The following ABI3BP variants were observed in gnomAD, a reference collection of about 807,000 sequenced individuals.
The protein encoded by ABI3BP is ABI family member 3 binding protein, also known as target of Nesh-SH3.
A neutral mutation model predicts 268.6 loss-of-function variants in ABI3BP; 216 were observed. The observed-to-expected ratio is 0.80, with a 90% CI of 0.72 to 0.90. The LOEUF (loss-of-function observed/expected upper bound fraction) is 0.90. ABI3BP is among the 40% of genes least tolerant of loss of function. ABI3BP has a pLI of 0.00. For missense variants in ABI3BP, 2,090 were observed against 2,182.4 expected, an observed-to-expected ratio of 0.96 and a Z score of 0.84; for synonymous variants, 730 against 730.0, an observed-to-expected ratio of 1.00 and a Z score of 0.00.
chr3:100,871,320 A>G (rs2099106965), intron 9 of ABI3BP, among the ~76,000 whole-genome samples: 1 of 152,214 alleles, frequency 6.6e-6, no homozygotes, highest in South Asian at 2.1e-4. Context: ...AAAAAATTGT[A>G]TATGTAGTTT....
intron 1 of ABI3BP, among the ~76,000 whole-genome samples, chr3:100,978,330 T>C (rs35517882): frequency 0.1 from 15,697 of 152,304 alleles, 1,095 homozygotes; most frequent in Non-Finnish European, 0.15. Context: ...AGTGTCACAA[T>C]TGTGTCTTTC....
chr3:100,872,037 T>A (rs1466448061), intron 9 of ABI3BP, among the ~76,000 whole-genome samples: 1 of 151,998 alleles, frequency 6.6e-6, no homozygotes. Flanking sequence ...AAAGATGGGG[T>A]CTTGCTATAT....
chr3:100,825,970 T>C, intron 34 of ABI3BP, 126 bp from the exon 35 acceptor site: 2 of 714,316 alleles, frequency 2.8e-6, no homozygotes, highest in Non-Finnish European at 4.8e-6. Flanking sequence ...GGAAGGGCAT[T>C]AGGACTGAAT....
chr3:100,991,860 TG>T (rs1239967510), intron 1 of ABI3BP, among the ~76,000 whole-genome samples: 1 of 152,200 alleles, frequency 6.6e-6, no homozygotes, highest in Non-Finnish European at 1.5e-5. Context: ...ATTAAAGCAC[TG>T]GGATTGTCCA....
intron 2 of ABI3BP, among the ~76,000 whole-genome samples, chr3:100,905,178 G>GC (rs2052731783): frequency 6.6e-6 from 1 of 151,886 alleles, no homozygotes; most frequent in South Asian, 2.1e-4. Context: ...ACCAAACACC[G>GC]CATGTTCTCA....
Position 100,934,730 on chromosome 3 carries a change from C to G in ABI3BP, c.80-8249G>C, listed in dbSNP as rs187006755. ...GTTTTGATTTGCATTTCTCTAATAA[C>G]CAGTGATGATGAGCTTTTTTTTCAT... On this transcript the variant is annotated intron_variant, in intron 1 of 67. Coordinates refer to ENST00000471714, the MANE Select transcript of ABI3BP (RefSeq NM_001375547.2). 1.5e-3 allele frequency among the ~76,000 whole-genome samples: 133 copies of G among 89,454 alleles called. 1 individual carries two copies. In the East Asian group the frequency reaches 0.041, roughly 27 times the overall value. The allele number at this position is 89,454 out of a possible 152,430, so 58.7% of individuals were successfully genotyped here.
chr3:100,754,189 A>G (rs901988066), intron 64 of ABI3BP, among the ~76,000 whole-genome samples: 3 of 152,308 alleles, frequency 2.0e-5, no homozygotes, highest in South Asian at 2.1e-4. Flanking sequence ...CATGAACTAC[A>G]GTTGGTATAA....
intron 1 of ABI3BP, among the ~76,000 whole-genome samples, chr3:100,946,294 C>T (rs903749349): frequency 6.0e-5 from 9 of 150,436 alleles, no homozygotes; most frequent in African/African-American, 2.2e-4. Flanking sequence ...TTGCTTGAAC[C>T]TGGGAGGCAG....
At chr3:100,867,087 T>C (rs2099058195) in intron 9 of ABI3BP, 131 bp from the exon 10 acceptor site, 1 of 656,488 alleles carries the variant, frequency 1.5e-6, no homozygotes, top group Non-Finnish European at 2.7e-6. Context: ...AACAACTTTA[T>C]TGTGTATCTC....
At chr3:100,861,306 A>G (rs34124358) in intron 14 of ABI3BP, among the ~76,000 whole-genome samples, 3 of 152,208 alleles carry the variant, frequency 2.0e-5, no homozygotes, top group African/African-American at 7.2e-5. Flanking sequence ...GGATAATTTC[A>G]CCAAGATCTG....
In ABI3BP at chr3:100,983,176, G is replaced by A. The variant is rs558143446; in HGVS notation, c.79+10130C>T. ...CTTGGCATCACCTTGTAAGCAAAGC[G>A]CCCCTGTTCAGAGTCTTAGCAAGGT... On this transcript the variant is annotated intron_variant, in intron 1 of 67. Coordinates refer to ENST00000471714, the MANE Select transcript of ABI3BP (RefSeq NM_001375547.2). Among the ~76,000 whole-genome samples, 34 of 152,296 alleles carry A rather than the reference G, an allele frequency of 2.2e-4. No individual in the cohort carries two copies. In the South Asian group the frequency reaches 5.4e-3, roughly 24 times the overall value.
chr3:100,966,393 A>G (rs1441760866), intron 1 of ABI3BP, among the ~76,000 whole-genome samples: 1 of 152,240 alleles, frequency 6.6e-6, no homozygotes, highest in Non-Finnish European at 1.5e-5. Context: ...ACTATGGCCC[A>G]TGGGCCAAAT....
At chr3:100,942,111 T>C (rs957161199) in intron 1 of ABI3BP, among the ~76,000 whole-genome samples, 1 of 152,130 alleles carries the variant, frequency 6.6e-6, no homozygotes, top group Non-Finnish European at 1.5e-5. Context: ...TTTTATTCCT[T>C]TCATTAACTA....
intron 6 of ABI3BP, among the ~76,000 whole-genome samples, chr3:100,877,772 C>T (rs79748856): frequency 8.4e-4 from 128 of 152,290 alleles, no homozygotes; most frequent in African/African-American, 2.9e-3. Flanking sequence ...ATATACTAGA[C>T]CTGTTGATCA....
In ABI3BP at chr3:100,750,245, A is replaced by C. The variant is rs2095242588; in HGVS notation, c.*250T>G. On this transcript the variant is annotated 3_prime_UTR_variant, in exon 68 of 68. Coordinates refer to ENST00000471714, the MANE Select transcript of ABI3BP (RefSeq NM_001375547.2). Reference sequence around the variant, plus strand: ...TATACAAATGATCTCTTAAAATACCATGAATAGGGAGCCAGCTTCCCCAAA... The same window carrying C: ...TATACAAATGATCTCTTAAAATACCCTGAATAGGGAGCCAGCTTCCCCAAA... The C allele has an allele frequency of 2.9e-6, 1 of 349,154 alleles. No individual in the cohort carries two copies. Among genetic ancestry groups the C allele is most frequent in the Non-Finnish European group, 5.2e-6 (1 of 194,010 alleles). 21.6% of individuals were successfully genotyped at this position (349,154 alleles called of 1,614,324 possible).
chr3:100,923,689 T>G (rs1427772557), intron 2 of ABI3BP, among the ~76,000 whole-genome samples: 1 of 152,182 alleles, frequency 6.6e-6, no homozygotes, highest in African/African-American at 2.4e-5. Flanking sequence ...TGTACCAACC[T>G]AATAAAACCA....
chr3:100,815,073 AG>A (rs1326949251), intron 44 of ABI3BP, among the ~76,000 whole-genome samples: 1 of 152,082 alleles, frequency 6.6e-6, no homozygotes, highest in Non-Finnish European at 1.5e-5. Flanking sequence ...TTCAACTGAG[AG>A]GGTTTAGGGA....
At chr3:100,867,748 A>T (rs1189110484) in intron 9 of ABI3BP, among the ~76,000 whole-genome samples, 1 of 152,162 alleles carries the variant, frequency 6.6e-6, no homozygotes, top group Non-Finnish European at 1.5e-5. Context: ...CACATAGGAA[A>T]CTAAGCTATT....
At chr3:100,808,560 T>C (rs2097772623) in intron 49 of ABI3BP, among the ~76,000 whole-genome samples, 1 of 152,086 alleles carries the variant, frequency 6.6e-6, no homozygotes. Flanking sequence ...GTTCATATAA[T>C]TTTATCAGAA....
Sources: gnomAD v4.1 joint callset for allele counts (sites outside exome capture counted in the v4.1 genomes callset) on GRCh38, gnomAD v4.1.1 for gene constraint, MANE v1.5 for transcripts, NCBI Gene and HGNC (gene_info 2026-07-23, HGNC 2026-07-21) for gene names.